TOMM20L: variants seen among roughly 807,000 people sequenced by gnomAD.
TOMM20L encodes the protein translocase of outer mitochondrial membrane 20 like.
In TOMM20L, 19 loss-of-function variants were observed where a neutral mutation model predicts 20.4. The ratio of observed to expected loss-of-function variants is 0.93; its 90% confidence interval spans 0.65 to 1.36. The LOEUF is 1.36. Ranked by LOEUF, TOMM20L falls within the 40% of genes most tolerant of loss-of-function variation. TOMM20L has a pLI of 0.00. For synonymous variants in TOMM20L, 75 were observed against 79.6 expected (o/e 0.94, Z 0.30); for missense variants, 218 against 203.7 (o/e 1.07, Z -0.43).
chr14:58,396,408 C>T (rs940818931), intron 2 of TOMM20L, 67 bp downstream of exon 2: 1 of 1,577,802 alleles, frequency 6.3e-7, no homozygotes, highest in African/African-American at 1.3e-5. Context: ...GGTTGCTTGG[C>T]TCCTGGCGGG....
At chr14:58,397,337 G>C (rs890736091) in intron 2 of TOMM20L, among the ~76,000 whole-genome samples, 2 of 152,200 alleles carry the variant, frequency 1.3e-5, no homozygotes, top group African/African-American at 4.8e-5. Flanking sequence ...ACTAGAACAT[G>C]TGCCCATGTG....
At chr14:58,412,517 C>T (rs2036253901), downstream of TOMM20L, among the ~76,000 whole-genome samples, 2 of 152,128 alleles carry the variant, frequency 1.3e-5, no homozygotes, top group Non-Finnish European at 1.5e-5. Context: ...AGATAGTTTG[C>T]TCTGCTACCT....
intron 2 of TOMM20L, 100 bp downstream of exon 2, chr14:58,396,441 C>A: frequency 7.5e-7 from 1 of 1,326,758 alleles, no homozygotes; most frequent in South Asian, 1.3e-5. Flanking sequence ...TAGTTAGTTC[C>A]CTCAGCCGCC....
downstream of TOMM20L, among the ~76,000 whole-genome samples, chr14:58,411,373 G>A (rs563201875): frequency 9.6e-4 from 146 of 152,056 alleles, 1 homozygote; most frequent in Middle Eastern, 3.4e-3. Flanking sequence ...GCTTGGGCCC[G>A]GGAGATGGAG....
the TOMM20L span, among the ~76,000 whole-genome samples, chr14:58,416,090 T>C: frequency 6.7e-6 from 1 of 148,762 alleles, no homozygotes; most frequent in Non-Finnish European, 1.5e-5. Flanking sequence ...CAGCTGGCCG[T>C]GGTGGCACAC....
chr14:58,410,888 CA>C, downstream of TOMM20L: 1 of 1,612,962 alleles, frequency 6.2e-7, no homozygotes, highest in Non-Finnish European at 8.5e-7. Flanking sequence ...TAACACAGTC[CA>C]AAAAGCAGGT....
At chr14:58,412,391 C>T (rs1249999827), downstream of TOMM20L, among the ~76,000 whole-genome samples, 5 of 152,188 alleles carry the variant, frequency 3.3e-5, no homozygotes, top group African/African-American at 1.2e-4. Context: ...CCGCCTGCCT[C>T]GGCTTCCCAA....
intron 3 of TOMM20L, among the ~76,000 whole-genome samples, chr14:58,405,606 G>T (rs950278615): frequency 6.6e-6 from 1 of 152,190 alleles, no homozygotes; most frequent in Non-Finnish European, 1.5e-5. Context: ...CCGGGTTCAA[G>T]CAATTCTCGT....
chr14:58,398,793 T>C (rs1451782107), intron 2 of TOMM20L: 5 of 151,900 alleles, frequency 3.3e-5, no homozygotes, highest in Non-Finnish European at 7.4e-5. Flanking sequence ...GTTAATATTA[T>C]TTCCCATATA....
At chr14:58,413,492 T>C (rs961316445), downstream of TOMM20L, among the ~76,000 whole-genome samples, 2 of 152,128 alleles carry the variant, frequency 1.3e-5, no homozygotes, top group Non-Finnish European at 2.9e-5. Flanking sequence ...AAAAGGGCAA[T>C]CACAGAGACT....
At chr14:58,401,452 C>A (rs1395169534) in intron 2 of TOMM20L, among the ~76,000 whole-genome samples, 3 of 151,850 alleles carry the variant, frequency 2.0e-5, no homozygotes, top group African/African-American at 7.3e-5. Flanking sequence ...CACCTATAGC[C>A]CCAGCTACTC....
chr14:58,401,322 A>G (rs947468765), intron 2 of TOMM20L, among the ~76,000 whole-genome samples: 4 of 152,192 alleles, frequency 2.6e-5, no homozygotes, highest in African/African-American at 4.8e-5. Flanking sequence ...CTGTAATCCT[A>G]GCACTTTGGG....
chr14:58,401,999 T>A lies in TOMM20L; in HGVS notation c.181-681T>A, dbSNP rs139535562. ...ATGACCTTGTAAGCCAGAGAAATCA[T>A]GCAACCAAATCAACAGGCACTGTTA... On this transcript the variant is annotated intron_variant, in intron 2 of 4. Coordinates refer to ENST00000360945, the MANE Select transcript of TOMM20L (RefSeq NM_207377.3). Among the ~76,000 whole-genome samples the A allele has an allele frequency of 1.5e-3, 229 of 152,326 alleles. 1 individual carries two copies. The highest frequency in any genetic ancestry group is 6.8e-3 in the Middle Eastern group (2 of 294).
At chr14:58,407,898 C>T (rs938950608) in intron 4 of TOMM20L, among the ~76,000 whole-genome samples, 1 of 152,190 alleles carries the variant, frequency 6.6e-6, no homozygotes, top group Non-Finnish European at 1.5e-5. Context: ...TATGCATCAA[C>T]TAGAATTTCC....
At chr14:58,416,948 A>C in the TOMM20L span, among the ~76,000 whole-genome samples, 1 of 152,256 alleles carries the variant, frequency 6.6e-6, no homozygotes, top group Admixed American at 6.5e-5. Flanking sequence ...TCCCCACCCA[A>C]ATCTCATCTT....
chr14:58,414,690 T>C, the TOMM20L span, among the ~76,000 whole-genome samples: 4 of 143,916 alleles, frequency 2.8e-5, no homozygotes, highest in Admixed American at 7.5e-5. Context: ...TGAGCCGAGA[T>C]TGCAGCACTG....
In TOMM20L at chr14:58,395,986, T is replaced by G; in HGVS notation, c.29T>G (p.Leu10Arg). Residue 10 changes from leucine (L) to arginine (R), a missense_variant, in exon 1 of 5, where the codon CTC (leucine) becomes CGC (arginine). Physicochemically the swap from Leu to Arg is moderately radical, Grantham distance 102 (BLOSUM62 -2). Transcript: ENST00000360945. ...CCCTCCGTCCGCTCCCTCCTCCGCCTCTTGGCCGCCGCGGCGGCCTGTGGC... is the reference window on the plus strand; with the variant it reads ...CCCTCCGTCCGCTCCCTCCTCCGCCGCTTGGCCGCCGCGGCGGCCTGTGGC... MPSVRSLLR[L>R]LAAAAACGAF... The G allele has an allele frequency of 1.4e-6, 2 of 1,453,418 alleles. No homozygotes were observed. The highest frequency in any genetic ancestry group is 1.5e-5 in the South Asian group (1 of 67,142). The allele number at this position is 1,453,418 out of a possible 1,614,324, so 90.0% of individuals were successfully genotyped here. A position where few individuals can be genotyped will look rare whatever the true frequency, so the allele number is the denominator to read the frequency against.
chr14:58,409,104 A>C (rs201351353), downstream of TOMM20L: 171 of 1,613,848 alleles, frequency 1.1e-4, no homozygotes, highest in Non-Finnish European at 1.4e-4. Flanking sequence ...ATATTCCTGA[A>C]ATCTCATGGA....
At position 58,396,062 on chromosome 14, in the gene TOMM20L, G is replaced by T; in HGVS notation, c.105G>T (p.Gly35=). ...YCIYLNRKRR[G]DPAFKRRLRD... ...TTTACCTCAACCGGAAGCGGCGCGG[G>T]GACCCCGCGTTCAAGCGCCGCCTGC... is the stretch of plus-strand genomic sequence containing the variant. The change falls in exon 1 of 5, where the codon GGG becomes GGT. Residue 35 remains glycine (G), a synonymous_variant. Coordinates refer to ENST00000360945, the MANE Select transcript of TOMM20L (RefSeq NM_207377.3). 7.1e-7 allele frequency: 1 copy of T among 1,411,854 alleles called. No homozygotes were observed. The highest frequency in any genetic ancestry group is 1.8e-5 in the South Asian group (1 of 56,182). 87.5% of individuals were successfully genotyped at this position (1,411,854 alleles called of 1,614,324 possible). A position where few individuals can be genotyped will look rare whatever the true frequency, so the allele number is the denominator to read the frequency against.
Sources: gnomAD v4.1 joint callset for allele counts (sites outside exome capture counted in the v4.1 genomes callset) on GRCh38, gnomAD v4.1.1 for gene constraint, MANE v1.5 for transcripts, NCBI Gene and HGNC (gene_info 2026-07-23, HGNC 2026-07-21) for gene names.